The following TMEM132C variants were observed in gnomAD, a reference collection of about 807,000 sequenced individuals.
The protein encoded by TMEM132C is transmembrane protein 132C.
Under a neutral mutation model 61.4 loss-of-function variants are expected in TMEM132C, and 29 were observed. The ratio of observed to expected loss-of-function variants is 0.47; its 90% CI spans 0.35 to 0.64. The LOEUF (loss-of-function observed/expected upper bound fraction) is 0.64. Ranked by LOEUF, TMEM132C falls within the 30% of genes least tolerant of loss-of-function variation. TMEM132C has a pLI of 0.00. For synonymous variants in TMEM132C, 656 were observed against 633.1 expected (o/e 1.04, Z -0.54); for missense variants, 1,408 against 1,476.9 (o/e 0.95, Z 0.76).
At chr12:128,354,673 T>C (rs1593022237) in intron 1 of TMEM132C, among the ~76,000 whole-genome samples, 1 of 152,120 alleles carries the variant, frequency 6.6e-6, no homozygotes, top group East Asian at 1.9e-4. Flanking sequence ...CTAGACAATT[T>C]AAGGGGTTTG....
intron 3 of TMEM132C, among the ~76,000 whole-genome samples, chr12:128,600,796 G>T (rs1876157407): frequency 6.6e-6 from 1 of 152,216 alleles, no homozygotes; most frequent in Non-Finnish European, 1.5e-5. Flanking sequence ...GCACAAATCT[G>T]GTGCCTGGTG....
intron 1 of TMEM132C, among the ~76,000 whole-genome samples, chr12:128,369,767 C>T (rs1873975555): frequency 1.3e-5 from 2 of 152,346 alleles, no homozygotes; most frequent in South Asian, 2.1e-4. Flanking sequence ...CCACTGACAA[C>T]GCCTTGAAGC....
chr12:128,476,057 C>T (rs534670701), intron 2 of TMEM132C, among the ~76,000 whole-genome samples: 145 of 152,310 alleles, frequency 9.5e-4, no homozygotes, highest in Middle Eastern at 3.4e-3. Flanking sequence ...AGGACGTGAG[C>T]TTGCAACTGA....
intron 2 of TMEM132C, among the ~76,000 whole-genome samples, chr12:128,423,121 C>G (rs1030675262): frequency 1.3e-5 from 2 of 152,140 alleles, no homozygotes; most frequent in Non-Finnish European, 2.9e-5. Context: ...GGAGGTAGTC[C>G]TCTCTCACGA....
chr12:128,572,709 C>G (rs1013313720), intron 3 of TMEM132C, among the ~76,000 whole-genome samples: 3 of 151,264 alleles, frequency 2.0e-5, no homozygotes, highest in African/African-American at 7.3e-5. Flanking sequence ...CTGTCACATG[C>G]TCACTGTGGC....
At chr12:128,501,775 A>G (rs756015789) in intron 2 of TMEM132C, among the ~76,000 whole-genome samples, 5 of 152,240 alleles carry the variant, frequency 3.3e-5, no homozygotes, top group African/African-American at 4.8e-5. Context: ...AGCAGCATCT[A>G]TGTATCCAGA....
At chr12:128,623,558 G>A (rs1192498400) in intron 4 of TMEM132C, among the ~76,000 whole-genome samples, 2 of 151,974 alleles carry the variant, frequency 1.3e-5, no homozygotes, top group African/African-American at 4.8e-5. Flanking sequence ...TGTAATCCCA[G>A]CACTTTGGGA....
chr12:128,287,520 TATATC>T (rs1871113504), intron 1 of TMEM132C, among the ~76,000 whole-genome samples: 1 of 152,020 alleles, frequency 6.6e-6, no homozygotes, highest in African/African-American at 2.4e-5. Context: ...TATCTATATC[TATATC>T]TATCTGTGTG....
intron 1 of TMEM132C, among the ~76,000 whole-genome samples, chr12:128,304,181 C>A (rs1449965919): frequency 6.6e-6 from 1 of 152,118 alleles, no homozygotes; most frequent in Non-Finnish European, 1.5e-5. Flanking sequence ...ATAAACACAT[C>A]CTTTTAATTT....
chr12:128,378,487 A>G (rs1326137139), intron 1 of TMEM132C, among the ~76,000 whole-genome samples: 1 of 152,202 alleles, frequency 6.6e-6, no homozygotes, highest in African/African-American at 2.4e-5. Context: ...GAGGAGATCA[A>G]AATTTCCTAG....
intron 2 of TMEM132C, among the ~76,000 whole-genome samples, chr12:128,439,545 A>G (rs1869713399): frequency 6.6e-6 from 1 of 152,242 alleles, no homozygotes; most frequent in African/African-American, 2.4e-5. Context: ...TAGAGATACT[A>G]TCTGGAGCTA....
intron 1 of TMEM132C, among the ~76,000 whole-genome samples, chr12:128,343,225 A>G (rs950533048): frequency 5.9e-5 from 9 of 152,058 alleles, no homozygotes; most frequent in African/African-American, 2.2e-4. Context: ...AGAGATTGAG[A>G]CCATCCTGGC....
intron 3 of TMEM132C, among the ~76,000 whole-genome samples, chr12:128,573,402 T>C (rs1291527273): frequency 6.7e-6 from 1 of 150,212 alleles, no homozygotes; most frequent in Non-Finnish European, 1.5e-5. Flanking sequence ...AATTGAACAA[T>C]GAGAACACTT....
At chr12:128,521,421 AT>A (rs569367750) in intron 2 of TMEM132C, among the ~76,000 whole-genome samples, 2 of 151,486 alleles carry the variant, frequency 1.3e-5, no homozygotes, top group African/African-American at 4.9e-5. Context: ...TACATTAGGT[AT>A]TCCTCCTAAT....
chr12:128,325,087 C>T (rs183703583), intron 1 of TMEM132C, among the ~76,000 whole-genome samples: 1 of 152,144 alleles, frequency 6.6e-6, no homozygotes, highest in Non-Finnish European at 1.5e-5. Context: ...AGGCCTGATA[C>T]TCTGCAGAAG....
intron 1 of TMEM132C, among the ~76,000 whole-genome samples, chr12:128,397,873 C>T (rs1350044929): frequency 2.0e-5 from 3 of 152,144 alleles, no homozygotes; most frequent in Admixed American, 6.5e-5. Context: ...TGCTCAGCCT[C>T]CCACGAGTTT....
intron 4 of TMEM132C, among the ~76,000 whole-genome samples, chr12:128,652,286 C>G (rs1298738545): frequency 1.3e-5 from 2 of 152,186 alleles, no homozygotes; most frequent in African/African-American, 2.4e-5. Context: ...GTGCCAGGAG[C>G]AGAGCTGCAC....
chr12:128,353,050 A>AT (rs1171404697), intron 1 of TMEM132C, among the ~76,000 whole-genome samples: 2 of 152,274 alleles, frequency 1.3e-5, no homozygotes, highest in East Asian at 1.9e-4. Context: ...TATTCTGTCC[A>AT]TTTTTTCTAA....
At chr12:128,629,542 G>A (rs1402817256) in intron 4 of TMEM132C, among the ~76,000 whole-genome samples, 1 of 152,176 alleles carries the variant, frequency 6.6e-6, no homozygotes, top group Non-Finnish European at 1.5e-5. Flanking sequence ...TGGAAACAAA[G>A]AGCAGAATGG....
Sources: allele counts gnomAD v4.1 joint callset (sites outside exome capture counted in the v4.1 genomes callset), GRCh38; gene constraint gnomAD v4.1.1; transcripts MANE v1.5; gene names NCBI Gene and HGNC (gene_info 2026-07-23, HGNC 2026-07-21).